MKRN2: variants seen among roughly 807,000 people sequenced by gnomAD.
MKRN2 encodes the protein E3 ubiquitin-protein ligase makorin-2.
MKRN2 carries 32 observed loss-of-function variants against 45.4 expected under a neutral mutation model. That is an observed-to-expected ratio of 0.70 (90% CI 0.53 to 0.95). The LOEUF (loss-of-function observed/expected upper bound fraction) is 0.95, where lower values mean the gene tolerates loss of function less well. Ranked by LOEUF, MKRN2 falls within the 40% of genes least tolerant of loss-of-function variation. MKRN2 has a pLI of 0.00. For missense variants in MKRN2, 526 were observed against 536.7 expected, an observed-to-expected ratio of 0.98 and a Z score of 0.20; for synonymous variants, 206 against 192.4, an observed-to-expected ratio of 1.07 and a Z score of -0.59.
intron 6 of MKRN2, among the ~76,000 whole-genome samples, chr3:12,579,309 T>C (rs1177598506): frequency 6.6e-6 from 1 of 152,074 alleles, no homozygotes; most frequent in African/African-American, 2.4e-5. Flanking sequence ...GGATTACAGG[T>C]GTGCGCCACG....
chr3:12,569,659 C>T (rs1352009795), intron 2 of MKRN2, among the ~76,000 whole-genome samples: 1 of 152,090 alleles, frequency 6.6e-6, no homozygotes, highest in Non-Finnish European at 1.5e-5. Flanking sequence ...TTGGTCTTCC[C>T]CTGTCAATGA....
At chr3:12,570,435 A>T (rs2058091715) in intron 3 of MKRN2, among the ~76,000 whole-genome samples, 183 bp downstream of exon 3, 1 of 152,090 alleles carries the variant, frequency 6.6e-6, no homozygotes, top group Admixed American at 6.6e-5. Flanking sequence ...CATTCAAATG[A>T]TACATTCGCC....
chr3:12,557,405 C>T (rs535447305), intron 1 of MKRN2, among the ~76,000 whole-genome samples: 1 of 152,344 alleles, frequency 6.6e-6, no homozygotes, highest in Non-Finnish European at 1.5e-5. Flanking sequence ...GGCTACGCCC[C>T]GAGTTTGAAG....
intron 1 of MKRN2, among the ~76,000 whole-genome samples, chr3:12,558,180 CGT>C (rs2125297830): frequency 6.6e-6 from 1 of 152,298 alleles, no homozygotes; most frequent in South Asian, 2.1e-4. Flanking sequence ...ATAGTTGAGA[CGT>C]GACTGTGTAG....
chr3:12,576,485 T>G, intron 5 of MKRN2, 146 bp from the exon 6 acceptor site: 1 of 553,720 alleles, frequency 1.8e-6, no homozygotes, highest in Non-Finnish European at 3.3e-6. Flanking sequence ...TAAATAAGGT[T>G]CTTGGATGAT....
intron 1 of MKRN2, among the ~76,000 whole-genome samples, chr3:12,561,773 C>T (rs574817476): frequency 6.6e-6 from 1 of 150,534 alleles, no homozygotes; most frequent in South Asian, 2.1e-4. Context: ...TTGGCACTGA[C>T]TTTTTTTTTT....
chr3:12,575,007 G>C lies in MKRN2; in HGVS notation c.857+1G>C. The C allele has an allele frequency of 1.2e-6, 2 of 1,613,026 alleles. No individual in the cohort carries two copies. The highest frequency in any genetic ancestry group is 1.7e-6 in the Non-Finnish European group (2 of 1,178,998). ...AACAGTTTGAAAACCCAATCATTAA[G>C]TAAGTACAGCCAGGGGTCTTAGCTG... On this transcript the variant is annotated splice_donor_variant, in intron 5 of 7. Transcript: ENST00000170447. LOFTEE classifies it high-confidence loss of function.
At chr3:12,580,839 C>T (rs1447103568) in intron 6 of MKRN2, among the ~76,000 whole-genome samples, 1 of 152,220 alleles carries the variant, frequency 6.6e-6, no homozygotes, top group African/African-American at 2.4e-5. Flanking sequence ...TCTGACAAGA[C>T]GGAAAACCAC....
In MKRN2 at chr3:12,574,941, C is replaced by T. The variant is rs2058121988; in HGVS notation, c.792C>T (p.His264=). 1 of 1,614,266 alleles carries T rather than the reference C, an allele frequency of 6.2e-7. No individual in the cohort carries two copies. ...RRFGILSNCN[H]TYCLSCIRQW... ...TTGGGATTCTCTCCAATTGCAATCA[C>T]ACGTACTGTTTGTCCTGCATCCGGC... The change falls in exon 5 of 8, where the codon CAC becomes CAT. Residue 264 remains histidine (H), a synonymous_variant. Coordinates refer to ENST00000170447, the MANE Select transcript of MKRN2 (RefSeq NM_014160.5).
In MKRN2 at chr3:12,574,954, T is replaced by G. The variant is rs1452439273; in HGVS notation, c.805T>G (p.Ser269Ala). ...CAATTGCAATCACACGTACTGTTTGTCCTGCATCCGGCAGTGGCGGTGTGC... is the reference window on the plus strand; with the variant it reads ...CAATTGCAATCACACGTACTGTTTGGCCTGCATCCGGCAGTGGCGGTGTGC... ...LSNCNHTYCL[S>A]CIRQWRCAKQ... Residue 269 changes from serine (S) to alanine (A), a missense_variant, in exon 5 of 8, where the codon TCC (serine) becomes GCC (alanine). Ser to Ala is a moderately conservative substitution (Grantham distance 99). Transcript: ENST00000170447. 6.2e-7 allele frequency: 1 copy of G among 1,614,252 alleles called. No homozygotes were observed. Among genetic ancestry groups the G allele is most frequent in the South Asian group, 1.1e-5 (1 of 91,092 alleles).
At chr3:12,563,231 C>A (rs1006787851) in intron 1 of MKRN2, among the ~76,000 whole-genome samples, 1 of 152,164 alleles carries the variant, frequency 6.6e-6, no homozygotes, top group East Asian at 1.9e-4. Flanking sequence ...ACTAGCCAAA[C>A]GCATGAGAGA....
At chr3:12,567,600 T>C (rs1261321288) in intron 1 of MKRN2, among the ~76,000 whole-genome samples, 2 of 150,770 alleles carry the variant, frequency 1.3e-5, no homozygotes, top group Admixed American at 1.3e-4. Flanking sequence ...GCGATTCTCC[T>C]GCCTCAGCCT....
rs796210183 is a variant in MKRN2, at chr3:12,569,168, C to CT, written c.155+176dup. 7.0e-3 allele frequency among the ~76,000 whole-genome samples: 1,020 copies of CT among 146,414 alleles called. 3 individuals are homozygous for CT. Among genetic ancestry groups the CT allele is most frequent in the African/African-American group, 9.7e-3 (389 of 40,144 alleles). Reference sequence around the variant, plus strand: ...AGTACCCTAAAACTAATTTTCTTTTCTTTTTTTTTTTGAGATAGAGTCTCT... The same window carrying CT: ...AGTACCCTAAAACTAATTTTCTTTTCTTTTTTTTTTTTGAGATAGAGTCTCT... On this transcript the variant is annotated intron_variant, in intron 2 of 7. Transcript: ENST00000170447.
chr3:12,559,165 C>T (rs1377611521), intron 1 of MKRN2, among the ~76,000 whole-genome samples: 2 of 152,158 alleles, frequency 1.3e-5, no homozygotes, highest in African/African-American at 4.8e-5. Context: ...GGAGTCAGGG[C>T]TCCCGATGAC....
At chr3:12,558,079 T>G (rs2057998319) in intron 1 of MKRN2, among the ~76,000 whole-genome samples, 1 of 152,230 alleles carries the variant, frequency 6.6e-6, no homozygotes, top group South Asian at 2.1e-4. Context: ...CATTTAATAA[T>G]TTTTATGGGA....
At chr3:12,570,899 A>G (rs1010919020) in intron 3 of MKRN2, among the ~76,000 whole-genome samples, 27 of 151,760 alleles carry the variant, frequency 1.8e-4, no homozygotes, top group Non-Finnish European at 2.9e-4. Context: ...AAAAAAAAAA[A>G]AAAAGAAAAC....
Position 12,572,131 on chromosome 3 carries a change from A to G in MKRN2, c.400A>G (p.Ser134Gly). 2 of 1,613,986 alleles carry G rather than the reference A, an allele frequency of 1.2e-6. No homozygotes were observed. Among genetic ancestry groups the G allele is most frequent in the Non-Finnish European group, 1.7e-6 (2 of 1,179,964 alleles). The change falls in exon 4 of 8, where the codon AGC (serine) becomes GGC (glycine). Residue 134 changes from serine (S) to glycine (G), a missense_variant. Coordinates refer to ENST00000170447, the MANE Select transcript of MKRN2 (RefSeq NM_014160.5). The part of the protein sequence containing the change: ...PSMVSNPGSC[S>G]DPQPSPEMKP... ...CATGGTGAGTAATCCAGGCAGCTGCAGCGACCCCCAGCCCAGCCCCGAGAT... is the reference window on the plus strand; with the variant it reads ...CATGGTGAGTAATCCAGGCAGCTGCGGCGACCCCCAGCCCAGCCCCGAGAT...
In MKRN2 at chr3:12,581,960, C is replaced by CT. The variant is rs1171536707; in HGVS notation, c.1113+11dup. The CT allele has an allele frequency of 6.2e-7, 1 of 1,613,248 alleles. No homozygotes were observed. The highest frequency in any genetic ancestry group is 8.5e-7 in the Non-Finnish European group (1 of 1,179,490). ...TCTCAAGGCACTGTGAGGGTAAGGA[C>CT]TTTAGCCATCTCTAGTTGGGGACAC... On this transcript the variant is annotated intron_variant, in intron 7 of 7. Transcript: ENST00000170447.
At chr3:12,561,624 G>A (rs535534450) in intron 1 of MKRN2, among the ~76,000 whole-genome samples, 2 of 152,080 alleles carry the variant, frequency 1.3e-5, no homozygotes, top group East Asian at 3.9e-4. Context: ...GTCTCTACCC[G>A]AGAAAAGGAA....
Sources: gnomAD v4.1 joint callset for allele counts (sites outside exome capture counted in the v4.1 genomes callset) on GRCh38, gnomAD v4.1.1 for gene constraint, MANE v1.5 for transcripts, NCBI Gene and HGNC (gene_info 2026-07-23, HGNC 2026-07-21) for gene names.